Variants in ZSWIM5 observed in about 807,000 individuals in gnomAD.
The protein encoded by ZSWIM5 is zinc finger SWIM-type containing 5.
A neutral mutation model predicts 119.6 loss-of-function variants in ZSWIM5; 55 were observed. The observed-to-expected ratio is 0.46, with a 90% confidence interval of 0.37 to 0.58. The LOEUF is 0.58. ZSWIM5 is among the 20% of genes least tolerant of loss of function. The pLI, the probability that ZSWIM5 is intolerant of heterozygous loss-of-function variation, is 0.00. For missense variants in ZSWIM5, 1,193 were observed against 1,512.8 expected (o/e 0.79, Z 3.51); for synonymous variants, 537 against 606.9 (o/e 0.88, Z 1.69).
At chr1:45,093,957 A>G (rs1016000145) in intron 1 of ZSWIM5, among the ~76,000 whole-genome samples, 5 of 150,838 alleles carry the variant, frequency 3.3e-5, no homozygotes, top group African/African-American at 1.2e-4. Flanking sequence ...AATTCTCCCA[A>G]ATTAATTTCC....
chr1:45,052,897 G>A (rs570213767), intron 4 of ZSWIM5, among the ~76,000 whole-genome samples: 7 of 152,046 alleles, frequency 4.6e-5, no homozygotes, highest in East Asian at 1.9e-4. Context: ...TGAGGTGGGC[G>A]GATCACCTGA....
At chr1:45,122,270 T>C (rs1645597532) in intron 1 of ZSWIM5, among the ~76,000 whole-genome samples, 2 of 152,328 alleles carry the variant, frequency 1.3e-5, no homozygotes, top group South Asian at 4.1e-4. Context: ...TACCACAGCT[T>C]CTTCATATGT....
chr1:45,035,269 T>G (rs1644975931), intron 10 of ZSWIM5, among the ~76,000 whole-genome samples: 1 of 152,184 alleles, frequency 6.6e-6, no homozygotes, highest in East Asian at 1.9e-4. Flanking sequence ...CATAGCTCAT[T>G]GTTCTCAAGT....
At chr1:45,125,721 T>A (rs1645617191) in intron 1 of ZSWIM5, among the ~76,000 whole-genome samples, 1 of 146,892 alleles carries the variant, frequency 6.8e-6, no homozygotes, top group Non-Finnish European at 1.5e-5. Context: ...CGAGATTGCG[T>A]CATTGCACTC....
intron 2 of ZSWIM5, among the ~76,000 whole-genome samples, chr1:45,066,097 G>A (rs1482869544): frequency 2.1e-5 from 3 of 143,052 alleles, no homozygotes; most frequent in Non-Finnish European, 4.5e-5. Context: ...CCACCTATGA[G>A]TGAGAACATG....
intron 1 of ZSWIM5, among the ~76,000 whole-genome samples, chr1:45,122,291 T>C (rs986371742): frequency 6.6e-6 from 1 of 152,200 alleles, no homozygotes; most frequent in African/African-American, 2.4e-5. Flanking sequence ...AAAATGGTGA[T>C]AATAATCTGC....
At chr1:45,115,844 A>T (rs1015463823) in intron 1 of ZSWIM5, among the ~76,000 whole-genome samples, 2 of 152,074 alleles carry the variant, frequency 1.3e-5, no homozygotes, top group Non-Finnish European at 2.9e-5. Context: ...CACTTCCCAG[A>T]CGGGGTGGCG....
At chr1:45,140,567 C>T (rs545891620) in intron 1 of ZSWIM5, among the ~76,000 whole-genome samples, 1 of 152,272 alleles carries the variant, frequency 6.6e-6, no homozygotes, top group East Asian at 1.9e-4. Flanking sequence ...GATTTAAACA[C>T]AACCATATCA....
chr1:45,090,132 T>G lies in ZSWIM5; in HGVS notation c.596-1895A>C, dbSNP rs74975198. On this transcript the variant is annotated intron_variant, in intron 1 of 13. Transcript: ENST00000359600. ...AGATTCAAGTTTCAGACAGTTATGG[T>G]TAATTAAAATAAGACCCAAATTTAC... Among the ~76,000 whole-genome samples the G allele has an allele frequency of 4.6e-5, 7 of 152,230 alleles. No individual in the cohort carries two copies. In the East Asian group the frequency reaches 9.6e-4, roughly 21 times the overall value.
chr1:45,115,341 C>T (rs576525034), intron 1 of ZSWIM5, among the ~76,000 whole-genome samples: 11 of 152,150 alleles, frequency 7.2e-5, no homozygotes, highest in East Asian at 3.9e-4. Context: ...ATTTCCCAGA[C>T]GGGGTGGCTG....
Position 45,034,466 on chromosome 1 carries a change from T to C in ZSWIM5, c.2295A>G (p.Leu765=). The change falls in exon 11 of 14, where the codon TTA becomes TTG. Residue 765 remains leucine, a synonymous_variant. Coordinates refer to ENST00000359600, the MANE Select transcript of ZSWIM5 (RefSeq NM_020883.2). The part of the protein sequence containing the change: ...SYKLALRAMR[L]PVLENSASAG... ...CAGAAGCTGAGTTTTCTAAAACAGG[T>C]AACCTGGAAGACCCAGGAAGAATCA... is the stretch of plus-strand genomic sequence containing the variant. 6.2e-7 allele frequency: 1 copy of C among 1,601,894 alleles called. No homozygotes were observed. The highest frequency in any genetic ancestry group is 8.5e-7 in the Non-Finnish European group (1 of 1,173,466).
intron 1 of ZSWIM5, among the ~76,000 whole-genome samples, chr1:45,171,243 T>C (rs533285011): frequency 1.3e-5 from 2 of 152,188 alleles, no homozygotes; most frequent in African/African-American, 4.8e-5. Context: ...CATTTTCAAT[T>C]CTCTAAAATC....
chr1:45,182,155 G>A (rs1262670700), intron 1 of ZSWIM5, among the ~76,000 whole-genome samples: 3 of 152,166 alleles, frequency 2.0e-5, no homozygotes, highest in Non-Finnish European at 4.4e-5. Flanking sequence ...GGTGGCTCAC[G>A]CCTGTAATCC....
At chr1:45,045,342 T>C (rs981070680) in intron 5 of ZSWIM5, among the ~76,000 whole-genome samples, 6 of 152,184 alleles carry the variant, frequency 3.9e-5, no homozygotes, top group African/African-American at 1.4e-4. Context: ...TTTCCAGAGA[T>C]GCCCAAATGA....
chr1:45,071,793 A>G (rs1024531031), intron 2 of ZSWIM5, among the ~76,000 whole-genome samples: 2 of 151,978 alleles, frequency 1.3e-5, no homozygotes, highest in Non-Finnish European at 2.9e-5. Context: ...ATAGTACTCC[A>G]CTGTGTATAA....
chr1:45,055,883 CT>C (rs1443577646), intron 4 of ZSWIM5, among the ~76,000 whole-genome samples: 1 of 152,122 alleles, frequency 6.6e-6, no homozygotes, highest in Non-Finnish European at 1.5e-5. Flanking sequence ...AATCCCAGCA[CT>C]TTGGGAGATG....
intron 1 of ZSWIM5, among the ~76,000 whole-genome samples, chr1:45,176,617 T>C (rs1023169720): frequency 6.6e-6 from 1 of 152,068 alleles, no homozygotes; most frequent in Non-Finnish European, 1.5e-5. Context: ...GCTCCTGTTA[T>C]CCTTAATTGA....
At position 45,206,488 on chromosome 1, in the gene ZSWIM5, C is replaced by G. The variant is rs1646193269; in HGVS notation, c.-138G>C. On this transcript the variant is annotated 5_prime_UTR_variant, in exon 1 of 14. Transcript: ENST00000359600. The stretch of plus-strand genomic sequence containing the variant: ...CGGGGCGAGAGAACCCGCGAGCCAG[C>G]CGGCCCGAGTGGGGAACCGCGGCCG... 4.3e-6 allele frequency: 5 copies of G among 1,164,456 alleles called. No individual in the cohort carries two copies. Among genetic ancestry groups the G allele is most frequent in the Non-Finnish European group, 5.3e-6 (5 of 945,530 alleles). 72.1% of individuals were successfully genotyped at this position (1,164,456 alleles called of 1,614,324 possible).
intron 2 of ZSWIM5, among the ~76,000 whole-genome samples, chr1:45,074,387 G>C (rs1417757825): frequency 6.6e-6 from 1 of 151,710 alleles, no homozygotes; most frequent in Non-Finnish European, 1.5e-5. Flanking sequence ...TTTTATTATG[G>C]CTTTGAATTT....
Sources: allele counts gnomAD v4.1 joint callset (sites outside exome capture counted in the v4.1 genomes callset), GRCh38; gene constraint gnomAD v4.1.1; transcripts MANE v1.5; gene names NCBI Gene and HGNC (gene_info 2026-07-23, HGNC 2026-07-21).